The following DPF3 variants were observed in gnomAD, a reference collection of about 807,000 sequenced individuals.
DPF3 encodes the protein double PHD fingers 3.
DPF3 carries 18 observed loss-of-function variants against 56.8 expected under a neutral mutation model. The ratio of observed to expected loss-of-function variants is 0.32; its 90% confidence interval spans 0.22 to 0.47. The LOEUF (loss-of-function observed/expected upper bound fraction) is 0.47, where lower values mean the gene tolerates loss of function less well. DPF3 is among the 20% of genes least tolerant of loss of function. The pLI is 1.00. For synonymous variants in DPF3, 188 were observed against 180.2 expected (o/e 1.04, Z -0.35); for missense variants, 403 against 488.8 (o/e 0.82, Z 1.65).
At chr14:72,779,493 T>G (rs1891883863) in intron 1 of DPF3, among the ~76,000 whole-genome samples, 1 of 152,190 alleles carries the variant, frequency 6.6e-6, no homozygotes, top group African/African-American at 2.4e-5. Flanking sequence ...GGGCTGGGGA[T>G]GCACCCGGAA....
rs1435421990 is a variant in DPF3, at chr14:72,840,999, A to G, written c.32+53058T>C. On this transcript the variant is annotated intron_variant, in intron 1 of 10. Coordinates refer to ENST00000556509, the MANE Select transcript of DPF3 (RefSeq NM_001280542.3). ...CTCTAGCTCCTCCAGTTCTTACTGC[A>G]TCAAGTCAATTCTGCAGGTCTTCAT... 2.0e-5 allele frequency among the ~76,000 whole-genome samples: 3 copies of G among 152,220 alleles called. No individual in the cohort carries two copies. The East Asian group carries it at 5.8e-4, about 29-fold the overall frequency.
In DPF3 at chr14:72,609,460, G is replaced by A. The variant is rs1883595756; in HGVS notation, c.*9837C>T. On this transcript the variant is annotated 3_prime_UTR_variant, in exon 11 of 11. Transcript: ENST00000556509. Reference sequence around the variant, plus strand: ...ATCTGCCAGCTCTCTGGGAATCACAGAACCATCATGTCCCCTTAGGATGGC... The same window carrying A: ...ATCTGCCAGCTCTCTGGGAATCACAAAACCATCATGTCCCCTTAGGATGGC... 6.6e-6 allele frequency among the ~76,000 whole-genome samples: 1 copy of A among 152,190 alleles called. No homozygotes were observed.
chr14:72,736,363 T>A (rs898720897), intron 3 of DPF3, among the ~76,000 whole-genome samples: 1 of 152,246 alleles, frequency 6.6e-6, no homozygotes, highest in Non-Finnish European at 1.5e-5. Flanking sequence ...CCAGCTACCA[T>A]AATGGACAGT....
intron 1 of DPF3, among the ~76,000 whole-genome samples, chr14:72,824,560 TTTTTGTTTG>T (rs1309373670): frequency 6.6e-6 from 1 of 151,630 alleles, no homozygotes; most frequent in African/African-American, 2.4e-5. Flanking sequence ...TCTTTTTTTT[TTTTTGTTTG>T]TTTGTTTGTT....
chr14:72,653,710 G>C (rs1885985216), intron 8 of DPF3, among the ~76,000 whole-genome samples: 1 of 152,162 alleles, frequency 6.6e-6, no homozygotes. Context: ...CAGATACAAA[G>C]CTTTCTGGAG....
intron 1 of DPF3, among the ~76,000 whole-genome samples, chr14:72,855,256 A>G (rs773751150): frequency 1.4e-4 from 21 of 152,174 alleles, no homozygotes; most frequent in Non-Finnish European, 2.4e-4. Flanking sequence ...GAAACCTCCA[A>G]TGGTTTATTT....
At position 72,616,482 on chromosome 14, in the gene DPF3, G is replaced by A. The variant is rs973361461; in HGVS notation, c.*2815C>T. 1.3e-5 allele frequency among the ~76,000 whole-genome samples: 2 copies of A among 152,160 alleles called. No homozygotes were observed. Among genetic ancestry groups the A allele is most frequent in the Non-Finnish European group, 2.9e-5 (2 of 68,042 alleles). ...TTGGTCACAAGGGAGATTTGAAGAA[G>A]ACGTCTAACATTGGCTAATGCACAC... On this transcript the variant is annotated 3_prime_UTR_variant, in exon 11 of 11. Coordinates refer to ENST00000556509, the MANE Select transcript of DPF3 (RefSeq NM_001280542.3).
chr14:72,877,704 CT>C (rs1035328380), intron 1 of DPF3, among the ~76,000 whole-genome samples: 7 of 152,198 alleles, frequency 4.6e-5, no homozygotes, highest in Admixed American at 4.6e-4. Flanking sequence ...CAATGTCCCC[CT>C]GGTGTGCTCT....
chr14:72,702,786 C>T (rs1316272496), intron 6 of DPF3, among the ~76,000 whole-genome samples: 1 of 152,164 alleles, frequency 6.6e-6, no homozygotes, highest in African/African-American at 2.4e-5. Context: ...AGACTGGGTA[C>T]GCAGGGTACA....
At chr14:72,723,003 TTC>T (rs1567211922) in intron 5 of DPF3, among the ~76,000 whole-genome samples, 2 of 151,580 alleles carry the variant, frequency 1.3e-5, no homozygotes, top group East Asian at 3.9e-4. Flanking sequence ...CCCGGCAAAC[TTC>T]TTTTTTTTTT....
intron 1 of DPF3, among the ~76,000 whole-genome samples, chr14:72,825,032 C>A (rs989618473): frequency 6.6e-5 from 10 of 151,754 alleles, no homozygotes; most frequent in Non-Finnish European, 1.2e-4. Flanking sequence ...AGACTACAGG[C>A]GCATGCCACC....
At chr14:72,793,939 T>C (rs1266345120) in intron 1 of DPF3, among the ~76,000 whole-genome samples, 3 of 152,242 alleles carry the variant, frequency 2.0e-5, no homozygotes, top group African/African-American at 4.8e-5. Context: ...TTCGTGAAGC[T>C]GCTCCTGGCC....
At chr14:72,824,359 C>T (rs538962874) in intron 1 of DPF3, among the ~76,000 whole-genome samples, 2 of 152,198 alleles carry the variant, frequency 1.3e-5, no homozygotes, top group South Asian at 2.1e-4. Flanking sequence ...GACACTTTCA[C>T]GTGTCCACAC....
intron 9 of DPF3, among the ~76,000 whole-genome samples, chr14:72,629,126 G>C (rs1249295027): frequency 6.6e-6 from 1 of 152,122 alleles, no homozygotes; most frequent in African/African-American, 2.4e-5. Flanking sequence ...TAATATTTTG[G>C]TTATTTAGGT....
chr14:72,783,824 G>T (rs968403180), intron 1 of DPF3, among the ~76,000 whole-genome samples: 3 of 152,264 alleles, frequency 2.0e-5, no homozygotes, highest in African/African-American at 7.2e-5. Context: ...CTTCTGCATG[G>T]TCTTTCCTGC....
intron 8 of DPF3, among the ~76,000 whole-genome samples, chr14:72,655,688 C>G (rs1886043545): frequency 6.6e-6 from 1 of 152,180 alleles, no homozygotes; most frequent in South Asian, 2.1e-4. Context: ...TGGAAGTCAA[C>G]AAAAGGCTTG....
intron 1 of DPF3, chr14:72,836,418 A>G: frequency 2.0e-6 from 2 of 985,562 alleles, no homozygotes; most frequent in Non-Finnish European, 2.4e-6. Context: ...CAGCCACTGG[A>G]TAAGCGCACC....
chr14:72,848,705 G>A (rs772540424), intron 1 of DPF3, among the ~76,000 whole-genome samples: 11 of 152,288 alleles, frequency 7.2e-5, no homozygotes, highest in East Asian at 1.9e-4. Context: ...CAGGTGTCCC[G>A]TATCCAGGTG....
At chr14:72,692,750 C>T (rs1449762582) in intron 7 of DPF3, among the ~76,000 whole-genome samples, 2 of 152,218 alleles carry the variant, frequency 1.3e-5, no homozygotes, top group Non-Finnish European at 2.9e-5. Flanking sequence ...GTGGCTGGCT[C>T]TTCAGGAGTG....
Sources: gnomAD v4.1 joint callset for allele counts (sites outside exome capture counted in the v4.1 genomes callset) on GRCh38, gnomAD v4.1.1 for gene constraint, MANE v1.5 for transcripts, NCBI Gene and HGNC (gene_info 2026-07-23, HGNC 2026-07-21) for gene names.